Variants in SMARCC1 observed in about 807,000 individuals in gnomAD.
The protein encoded by SMARCC1 is SWI/SNF related BAF chromatin remodeling complex subunit C1, also known as SWI/SNF complex subunit SMARCC1.
A neutral mutation model predicts 147.4 loss-of-function variants in SMARCC1; 43 were observed. That is an observed-to-expected ratio of 0.29 (90% CI 0.23 to 0.38). The LOEUF (loss-of-function observed/expected upper bound fraction) is 0.38. Among genes scored for constraint, SMARCC1 ranks in the 10% least tolerant of loss-of-function variants. The pLI is 1.00. For missense variants in SMARCC1, 1,119 were observed against 1,381.1 expected (o/e 0.81, Z 3.01); for synonymous variants, 495 against 484.4 (o/e 1.02, Z -0.29).
At chr3:47,737,338 G>A (rs2034455589) in intron 4 of SMARCC1, among the ~76,000 whole-genome samples, 1 of 152,158 alleles carries the variant, frequency 6.6e-6, no homozygotes, top group South Asian at 2.1e-4. Flanking sequence ...AAGCTGCAGT[G>A]AGCCTAGCTC....
chr3:47,710,847 C>G, intron 8 of SMARCC1, 39 bp from the exon 9 acceptor site: 1 of 1,550,112 alleles, frequency 6.5e-7, no homozygotes, highest in Non-Finnish European at 8.7e-7. Flanking sequence ...ACATAAATAA[C>G]AAAATCACTC....
chr3:47,601,025 G>C (rs946415037), intron 26 of SMARCC1, among the ~76,000 whole-genome samples: 1 of 150,374 alleles, frequency 6.7e-6, no homozygotes, highest in African/African-American at 2.4e-5. Flanking sequence ...GAGAGAGAGA[G>C]AGAGAGAGAG....
At chr3:47,717,723 T>C (rs2034174126) in intron 7 of SMARCC1, among the ~76,000 whole-genome samples, 1 of 151,990 alleles carries the variant, frequency 6.6e-6, no homozygotes, top group Admixed American at 6.6e-5. Context: ...CGTGTCATCA[T>C]GACTGGCTAA....
In SMARCC1 at chr3:47,763,662, T is replaced by A. The variant is rs563047704; in HGVS notation, c.315+9155A>T. ...GAGATTTTTTTTTTAAGAAAAAAAA[T>A]ATATATATACAGTATTCTGTTTTAT... On this transcript the variant is annotated intron_variant, in intron 2 of 27. Coordinates refer to ENST00000254480, the MANE Select transcript of SMARCC1 (RefSeq NM_003074.4). 1.8e-3 allele frequency among the ~76,000 whole-genome samples: 265 copies of A among 150,828 alleles called. 1 individual carries two copies. The highest frequency in any genetic ancestry group is 2.5e-3 in the Non-Finnish European group (168 of 67,750).
chr3:47,680,748 T>C (rs537361798), intron 14 of SMARCC1, among the ~76,000 whole-genome samples: 14 of 151,816 alleles, frequency 9.2e-5, no homozygotes, highest in Admixed American at 2.0e-4. Flanking sequence ...GGGGTTTCAC[T>C]GTTTTAGCTG....
chr3:47,625,082 C>A (rs1181613638), intron 24 of SMARCC1, among the ~76,000 whole-genome samples: 2 of 151,006 alleles, frequency 1.3e-5, no homozygotes, highest in Non-Finnish European at 2.9e-5. Context: ...AAATTGATAA[C>A]CAAAGCTAGA....
At chr3:47,671,161 G>C (rs2033491390) in intron 18 of SMARCC1, among the ~76,000 whole-genome samples, 1 of 33,076 alleles carries the variant, frequency 3.0e-5, no homozygotes, top group Non-Finnish European at 5.2e-5. Flanking sequence ...GGGCAACAGA[G>C]CGAGACTATC....
chr3:47,697,300 G>A (rs941882370), intron 11 of SMARCC1, among the ~76,000 whole-genome samples: 33 of 149,614 alleles, frequency 2.2e-4, no homozygotes, highest in African/African-American at 8.1e-4. Flanking sequence ...GAGAGATCCT[G>A]ACTTTTTTTT....
chr3:47,666,064 C>CA (rs1056406067), intron 19 of SMARCC1, among the ~76,000 whole-genome samples: 15 of 152,156 alleles, frequency 9.9e-5, no homozygotes, highest in African/African-American at 3.4e-4. Context: ...TATTATGTGT[C>CA]ATTATCTTAT....
chr3:47,755,441 G>A (rs2034684330), intron 2 of SMARCC1, among the ~76,000 whole-genome samples: 1 of 148,278 alleles, frequency 6.7e-6, no homozygotes, highest in Non-Finnish European at 1.5e-5. Flanking sequence ...AGCTTGCAGT[G>A]AGCTGAGATC....
chr3:47,611,768 T>C (rs756317578), intron 25 of SMARCC1, among the ~76,000 whole-genome samples: 19 of 152,084 alleles, frequency 1.2e-4, no homozygotes, highest in Non-Finnish European at 2.4e-4. Flanking sequence ...GCATCACTGG[T>C]TATAGGAGTA....
intron 13 of SMARCC1, 59 bp downstream of exon 13, chr3:47,689,328 G>A: frequency 7.3e-7 from 1 of 1,365,750 alleles, no homozygotes; most frequent in Non-Finnish European, 1.0e-6. Flanking sequence ...TGCTTCTACT[G>A]TTCGGTACAC....
intron 11 of SMARCC1, 114 bp from the exon 12 acceptor site, chr3:47,693,414 C>A: frequency 1.6e-6 from 1 of 639,426 alleles, no homozygotes; most frequent in Non-Finnish European, 2.8e-6. Context: ...AACTGCAACA[C>A]CATTCAATAC....
At chr3:47,713,292 T>C (rs1004464200) in intron 8 of SMARCC1, among the ~76,000 whole-genome samples, 7 of 151,434 alleles carry the variant, frequency 4.6e-5, no homozygotes, top group African/African-American at 1.7e-4. Context: ...CACTCCAGCC[T>C]GGGCGACAGA....
intron 3 of SMARCC1, among the ~76,000 whole-genome samples, chr3:47,744,749 T>A (rs1226835254): frequency 6.6e-6 from 1 of 151,866 alleles, no homozygotes; most frequent in Non-Finnish European, 1.5e-5. Flanking sequence ...CTAGTCCCAG[T>A]AACTGATGGA....
At position 47,733,881 on chromosome 3, in the gene SMARCC1, A is replaced by T. The variant is rs888957364; in HGVS notation, c.576+2153T>A. On this transcript the variant is annotated intron_variant, in intron 5 of 27. Transcript: ENST00000254480. ...TCTGTCTCAAAAAAAAAAAAAAAAAAGGTATATATACACGTATATATATAC... is the reference window on the plus strand; with the variant it reads ...TCTGTCTCAAAAAAAAAAAAAAAAATGGTATATATACACGTATATATATAC... 2.5e-4 allele frequency among the ~76,000 whole-genome samples: 33 copies of T among 133,190 alleles called. No individual in the cohort carries two copies. The South Asian group carries it at 7.9e-3, about 32-fold the overall frequency. The allele number at this position is 133,190 out of a possible 152,430, so 87.4% of individuals were successfully genotyped here. A position where few individuals can be genotyped will look rare whatever the true frequency, so the allele number is the denominator to read the frequency against.
At chr3:47,772,786 T>C in intron 2 of SMARCC1, 31 bp downstream of exon 2, 1 of 1,586,688 alleles carries the variant, frequency 6.3e-7, no homozygotes. Flanking sequence ...CAACTGAGGA[T>C]GCCCAAATAA....
In SMARCC1 at chr3:47,664,836, C is replaced by A. The variant is rs182352554; in HGVS notation, c.1900-2244G>T. On this transcript the variant is annotated intron_variant, in intron 19 of 27. Coordinates refer to ENST00000254480, the MANE Select transcript of SMARCC1 (RefSeq NM_003074.4). ...GTAAAACATATATGAACCCTCCACCCCAACAACAAAAAAATCTGGCCCAAA... is the reference window on the plus strand; with the variant it reads ...GTAAAACATATATGAACCCTCCACCACAACAACAAAAAAATCTGGCCCAAA... 4.6e-5 allele frequency among the ~76,000 whole-genome samples: 7 copies of A among 152,174 alleles called. 1 individual carries two copies. The highest frequency in any genetic ancestry group is 1.4e-4 in the African/African-American group (6 of 41,506).
chr3:47,594,838 T>C lies in SMARCC1; in HGVS notation c.3044-4001A>G, dbSNP rs144495234. Among the ~76,000 whole-genome samples the C allele has an allele frequency of 2.6e-5, 4 of 152,140 alleles. No homozygotes were observed. The East Asian group carries it at 7.7e-4, about 29-fold the overall frequency. The stretch of plus-strand genomic sequence containing the variant: ...AGATCCACAAACCAGTAAGAAATAA[T>C]AGAAATCCTGGGTGCCTTGGCCCAC... On this transcript the variant is annotated intron_variant, in intron 26 of 27. Coordinates refer to ENST00000254480, the MANE Select transcript of SMARCC1 (RefSeq NM_003074.4).
Sources: gnomAD v4.1 joint callset for allele counts (sites outside exome capture counted in the v4.1 genomes callset) on GRCh38, gnomAD v4.1.1 for gene constraint, MANE v1.5 for transcripts, NCBI Gene and HGNC (gene_info 2026-07-23, HGNC 2026-07-21) for gene names.